ZNF350: variants seen among roughly 807,000 people sequenced by gnomAD.
ZNF350 encodes the protein zinc finger protein 350, also known as KRAB zinc finger protein ZFQR.
In ZNF350, 5 loss-of-function variants were observed where a neutral mutation model predicts 13.1. The observed-to-expected ratio is 0.38, with a 90% CI of 0.20 to 0.80. The LOEUF (loss-of-function observed/expected upper bound fraction) is 0.80, where lower values mean the gene tolerates loss of function less well. ZNF350 is among the 30% of genes least tolerant of loss of function. The pLI is 0.43. For missense variants in ZNF350, 534 were observed against 644.2 expected (o/e 0.83, Z 1.85); for synonymous variants, 199 against 224.2 (o/e 0.89, Z 1.00).
intron 2 of ZNF350, 40 bp from the exon 3 acceptor site, chr19:51,969,171 G>T: frequency 6.3e-7 from 1 of 1,597,876 alleles, no homozygotes; most frequent in Non-Finnish European, 8.6e-7. Flanking sequence ...ATGTCTTTTT[G>T]ATGATGTGGA....
intron 1 of ZNF350, among the ~76,000 whole-genome samples, chr19:51,975,955 T>C (rs963659274): frequency 1.3e-5 from 2 of 152,228 alleles, no homozygotes; most frequent in African/African-American, 4.8e-5. Flanking sequence ...AACAGCAAAC[T>C]GTTTATCATG....
chr19:51,974,205 G>C, intron 2 of ZNF350, 141 bp downstream of exon 2: 2 of 841,968 alleles, frequency 2.4e-6, no homozygotes, highest in East Asian at 5.4e-5. Flanking sequence ...ATGATATTGA[G>C]TTTAAAAACT....
At position 51,966,273 on chromosome 19, in the gene ZNF350, G is replaced by A. The variant is rs79047548; in HGVS notation, c.239-59C>T. On this transcript the variant is annotated intron_variant, in intron 4 of 4. Transcript: ENST00000243644. ...AGATTTGGGGTAAAAGTTTGTTGTG[G>A]TTTTTTTGTTTTTTTTGTTTTTTTT... The A allele has an allele frequency of 1.3e-4, 183 of 1,457,748 alleles. No individual in the cohort carries two copies. The East Asian group carries it at 4.3e-3, about 34-fold the overall frequency. 90.3% of individuals were successfully genotyped at this position (1,457,748 alleles called of 1,614,324 possible). A position where few individuals can be genotyped will look rare whatever the true frequency, so the allele number is the denominator to read the frequency against.
chr19:51,968,254 G>A (rs1449554486), intron 4 of ZNF350, among the ~76,000 whole-genome samples: 2 of 152,166 alleles, frequency 1.3e-5, no homozygotes, highest in Non-Finnish European at 2.9e-5. Flanking sequence ...TTGGAAAGAG[G>A]CCTGGAAGGT....
intron 1 of ZNF350, among the ~76,000 whole-genome samples, chr19:51,985,793 G>C (rs2086147729): frequency 6.6e-6 from 1 of 152,134 alleles, no homozygotes; most frequent in African/African-American, 2.4e-5. Context: ...GATCACCTGA[G>C]GTCAGGAGTT....
chr19:51,965,855 G>C lies in ZNF350; in HGVS notation c.598C>G (p.Arg200Gly). 6.2e-7 allele frequency: 1 copy of C among 1,614,080 alleles called. No homozygotes were observed. Among genetic ancestry groups the C allele is most frequent in the Non-Finnish European group, 8.5e-7 (1 of 1,180,032 alleles). ...QFISPKHQKT[R>G]KLEKHHVCSE... ...CACACATGATGCTTCTCTAATTTTC[G>C]TGTTTTCTGATGCTTGGGACTGATG... Residue 200 changes from arginine (R) to glycine (G), a missense_variant, in exon 5 of 5, where the codon CGA becomes GGA. By Grantham distance (125) the Arg-to-Gly change is moderately radical. Coordinates refer to ENST00000243644, the MANE Select transcript of ZNF350 (RefSeq NM_021632.4).
intron 4 of ZNF350, chr19:51,967,414 T>A (rs997659464): frequency 9.2e-5 from 14 of 151,372 alleles, no homozygotes; most frequent in African/African-American, 2.9e-4. Flanking sequence ...AAAAAAAAAA[T>A]AAATTAATAA....
chr19:51,985,939 G>C (rs1037300244), intron 1 of ZNF350, among the ~76,000 whole-genome samples: 3 of 152,094 alleles, frequency 2.0e-5, no homozygotes. Context: ...CCCGGGAGGC[G>C]GAGATTGCAG....
At chr19:51,972,335 TAAAAGTA>T (rs987821408) in intron 2 of ZNF350, among the ~76,000 whole-genome samples, 1 of 135,138 alleles carries the variant, frequency 7.4e-6, no homozygotes, top group African/African-American at 2.7e-5. Flanking sequence ...AGCAGAAAAG[TAAAAGTA>T]AAAAATAAAC....
chr19:51,982,636 G>T (rs968988317), intron 1 of ZNF350, among the ~76,000 whole-genome samples: 1 of 152,020 alleles, frequency 6.6e-6, no homozygotes, highest in African/African-American at 2.4e-5. Context: ...TGAAATCACA[G>T]TCACAATCCC....
At chr19:51,968,434 A>G (rs2085637988) in intron 4 of ZNF350, 144 bp downstream of exon 4, 2 of 704,036 alleles carry the variant, frequency 2.8e-6, no homozygotes, top group Non-Finnish European at 5.0e-6. Context: ...CTAAATTCCT[A>G]CAAAGAAAAA....
chr19:51,986,233 G>A (rs193212195), intron 1 of ZNF350, among the ~76,000 whole-genome samples: 3 of 152,160 alleles, frequency 2.0e-5, no homozygotes, highest in Admixed American at 2.0e-4. Flanking sequence ...AATGCTGGGG[G>A]CTGTGTCGCC....
intron 2 of ZNF350, 32 bp from the exon 3 acceptor site, chr19:51,969,163 G>A (rs1215446438): frequency 6.2e-7 from 1 of 1,602,690 alleles, no homozygotes; most frequent in African/African-American, 1.3e-5. Context: ...ATAAAGTGAT[G>A]TCTTTTTGAT....
At chr19:51,985,624 C>G (rs2086144448) in intron 1 of ZNF350, among the ~76,000 whole-genome samples, 1 of 152,146 alleles carries the variant, frequency 6.6e-6, no homozygotes, top group South Asian at 2.1e-4. Context: ...GGATTTGGGT[C>G]GCCTTGCCAC....
chr19:51,981,110 C>T (rs552497540), intron 1 of ZNF350: 5 of 152,306 alleles, frequency 3.3e-5, no homozygotes, highest in African/African-American at 1.2e-4. Context: ...ATCATGAATA[C>T]AGGATGTGAG....
rs115151289 is a variant in ZNF350 at position 51,965,074 on chromosome 19, G to A, written c.1379C>T (p.Ala460Val). 1,145 of 1,614,114 alleles carry A rather than the reference G, an allele frequency of 7.1e-4. 7 individuals carry two copies. The African/African-American group carries it at 0.012, about 17-fold the overall frequency. The change falls in exon 5 of 5, where the codon GCG becomes GTG. Residue 460 changes from alanine to valine, a missense_variant. Ala to Val is a moderately conservative substitution (Grantham distance 64, BLOSUM62 0). Coordinates refer to ENST00000243644, the MANE Select transcript of ZNF350 (RefSeq NM_021632.4). ...GGCCACAGAAGGCACTTGTGTAGTC[G>A]CCCCGTTAGCAGAGTTTTTCTCCTG... ...VMQEKNSANG[A>V]TTQVPSVAPQ...
rs547595526 is a variant in ZNF350, at chr19:51,975,818, G to A, written c.-171-1287C>T. Among the ~76,000 whole-genome samples, 116 of 152,138 alleles carry A rather than the reference G, an allele frequency of 7.6e-4. 3 individuals are homozygous for A. Among genetic ancestry groups the A allele is most frequent in the Middle Eastern group, 3.4e-3 (1 of 294 alleles). The stretch of plus-strand genomic sequence containing the variant: ...TGCAATGGTGTGATCTCGGCCTCCC[G>A]GGTTCAAGCAATTCTCTGCCTTAGC... On this transcript the variant is annotated intron_variant, in intron 1 of 4. Coordinates refer to ENST00000243644, the MANE Select transcript of ZNF350 (RefSeq NM_021632.4).
At chr19:51,986,221 C>A (rs1016573423) in intron 1 of ZNF350, among the ~76,000 whole-genome samples, 1 of 152,028 alleles carries the variant, frequency 6.6e-6, no homozygotes, top group Non-Finnish European at 1.5e-5. Flanking sequence ...TGGTTTCGAA[C>A]TAATGCTGGG....
At chr19:51,969,481 A>G (rs980233006) in intron 2 of ZNF350, among the ~76,000 whole-genome samples, 3 of 152,104 alleles carry the variant, frequency 2.0e-5, no homozygotes, top group African/African-American at 7.2e-5. Flanking sequence ...ATCCTTTAGT[A>G]TCTGTAGGGT....
Sources: gnomAD v4.1 joint callset for allele counts (sites outside exome capture counted in the v4.1 genomes callset) on GRCh38, gnomAD v4.1.1 for gene constraint, MANE v1.5 for transcripts, NCBI Gene and HGNC (gene_info 2026-07-23, HGNC 2026-07-21) for gene names.